Variants in VWF observed in about 807,000 individuals in gnomAD.
VWF encodes von Willebrand factor, also known as Factor VIII related antigen.
Under a neutral mutation model 308.6 loss-of-function variants are expected in VWF, and 176 were observed. That is an observed-to-expected ratio of 0.57 (90% confidence interval 0.50 to 0.65). The LOEUF (loss-of-function observed/expected upper bound fraction) is 0.65. Ranked by LOEUF, VWF falls within the 30% of genes least tolerant of loss-of-function variation. The probability of loss-of-function intolerance (pLI) is 0.00; values close to 1 mark genes in which losing one functional copy is unlikely to be tolerated. For synonymous variants in VWF, 1,385 were observed against 1,443.4 expected, an observed-to-expected ratio of 0.96 and a Z score of 0.92; for missense variants, 3,146 against 3,648.2, an observed-to-expected ratio of 0.86 and a Z score of 3.55.
At chr12:5,968,079 C>T in intron 46 of VWF, 48 bp downstream of exon 46, 1 of 1,613,090 alleles carries the variant, frequency 6.2e-7, no homozygotes, top group Non-Finnish European at 8.5e-7. Flanking sequence ...CACAGTACCC[C>T]CTTCCCTGTC....
intron 7 of VWF, among the ~76,000 whole-genome samples, chr12:6,074,941 G>A (rs553380339): frequency 1.3e-5 from 2 of 152,128 alleles, no homozygotes; most frequent in Non-Finnish European, 2.9e-5. Context: ...CACCACACAC[G>A]GACAGCCAGG....
intron 47 of VWF, among the ~76,000 whole-genome samples, chr12:5,955,373 C>G (rs982055265): frequency 6.6e-6 from 1 of 151,912 alleles, no homozygotes; most frequent in African/African-American, 2.4e-5. Context: ...CCCACTCCCC[C>G]CACCCCACAC....
Position 6,122,956 on chromosome 12 carries a change from G to A in VWF, c.55+186C>T, listed in dbSNP as rs761623605. Reference sequence around the variant, plus strand: ...CCCCAACAGGAGATGGCATTTGCAGGCACCTGGTCTCTGGAATACAAGTCA... The same window carrying A: ...CCCCAACAGGAGATGGCATTTGCAGACACCTGGTCTCTGGAATACAAGTCA... On this transcript the variant is annotated intron_variant, in intron 2 of 51. Coordinates refer to ENST00000261405, the MANE Select transcript of VWF (RefSeq NM_000552.5). 10 of 777,944 alleles carry A rather than the reference G, an allele frequency of 1.3e-5. No individual in the cohort carries two copies. In the East Asian group the frequency reaches 2.4e-4, roughly 19 times the overall value. 48.2% of individuals were successfully genotyped at this position (777,944 alleles called of 1,614,324 possible). A position where few individuals can be genotyped will look rare whatever the true frequency, so the allele number is the denominator to read the frequency against.
chr12:6,029,450 A>G lies in VWF; in HGVS notation c.2859T>C (p.Phe953=). Residue 953 remains phenylalanine (F), a synonymous_variant, in exon 22 of 52, where the codon TTT becomes TTC. Coordinates refer to ENST00000261405, the MANE Select transcript of VWF (RefSeq NM_000552.5). ...VKRPMKDETH[F]EVVESGRYII... ...TGTACCGGCCAGACTCCACCACCTCAAAGTGAGTCTCATCCTTCATGGGCC... is the reference window on the plus strand; with the variant it reads ...TGTACCGGCCAGACTCCACCACCTCGAAGTGAGTCTCATCCTTCATGGGCC... 2 of 1,614,196 alleles carry G rather than the reference A, an allele frequency of 1.2e-6. No individual in the cohort carries two copies. The highest frequency in any genetic ancestry group is 2.2e-5 in the South Asian group (2 of 91,082).
rs770981259 is a variant in VWF at position 6,064,396 on chromosome 12, G to A, written c.1294-12C>T. The stretch of plus-strand genomic sequence containing the variant: ...CGGTCATCAGCACACTGCCAAGAGG[G>A]AACACAGGGTGACTTTGCTGCACCC... On this transcript the variant is annotated splice_polypyrimidine_tract_variant and intron_variant, in intron 11 of 51. Transcript: ENST00000261405. 3 of 1,613,910 alleles carry A rather than the reference G, an allele frequency of 1.9e-6. No homozygotes were observed. The highest frequency in any genetic ancestry group is 1.3e-5 in the African/African-American group (1 of 75,050).
chr12:6,004,053 A>T (rs1275538844), intron 34 of VWF, among the ~76,000 whole-genome samples: 1 of 152,076 alleles, frequency 6.6e-6, no homozygotes, highest in Non-Finnish European at 1.5e-5. Flanking sequence ...TCCTGACCTC[A>T]TTCATGATAA....
At chr12:6,041,810 G>T (rs1944399665) in intron 18 of VWF, among the ~76,000 whole-genome samples, 1 of 152,154 alleles carries the variant, frequency 6.6e-6, no homozygotes, top group African/African-American at 2.4e-5. Context: ...TTATTTTTAT[G>T]AGAATTCATT....
In VWF at chr12:6,108,036, G is replaced by A. The variant is rs111922144; in HGVS notation, c.532+2338C>T. On this transcript the variant is annotated intron_variant, in intron 5 of 51. Transcript: ENST00000261405. Reference sequence around the variant, plus strand: ...AGGCCAGGCACGGTGACTCACGCCTGTAATCCCAGCACTTTGGGAGGCAGA... The same window carrying A: ...AGGCCAGGCACGGTGACTCACGCCTATAATCCCAGCACTTTGGGAGGCAGA... Among the ~76,000 whole-genome samples, 899 of 152,100 alleles carry A rather than the reference G, an allele frequency of 5.9e-3. 7 individuals carry two copies. Among genetic ancestry groups the A allele is most frequent in the African/African-American group, 0.02 (826 of 41,502 alleles).
At position 6,005,056 on chromosome 12, in the gene VWF, A is replaced by C. The variant is rs901495115; in HGVS notation, c.5842+6561T>G. On this transcript the variant is annotated intron_variant, in intron 34 of 51. Transcript: ENST00000261405. ...TACCAACAAACTTTTTATGGAGGTA[A>C]ACAAGTTGACACTAAAGTCTATACA... 2.9e-4 allele frequency among the ~76,000 whole-genome samples: 44 copies of C among 152,202 alleles called. 1 individual carries two copies. Among genetic ancestry groups the C allele is most frequent in the African/African-American group, 1.1e-3 (44 of 41,456 alleles).
chr12:6,090,325 C>G (rs182036114), intron 6 of VWF, among the ~76,000 whole-genome samples: 2 of 152,252 alleles, frequency 1.3e-5, no homozygotes, highest in African/African-American at 4.8e-5. Context: ...GTTCACAAAC[C>G]GCTCTAGAAG....
At position 6,096,635 on chromosome 12, in the gene VWF, G is replaced by A. The variant is rs3765645; in HGVS notation, c.533-1051C>T. ...GAATATGACATGGAACCTAAGCCCA[G>A]TCCCCAAGTCACTGCATACTCCAGG... On this transcript the variant is annotated intron_variant, in intron 5 of 51. Coordinates refer to ENST00000261405, the MANE Select transcript of VWF (RefSeq NM_000552.5). 1.2e-3 allele frequency among the ~76,000 whole-genome samples: 190 copies of A among 152,288 alleles called. 2 individuals are homozygous for A. The East Asian group carries it at 0.026, about 21-fold the overall frequency.
intron 40 of VWF, among the ~76,000 whole-genome samples, chr12:5,984,377 G>C (rs1260013715): frequency 6.6e-6 from 1 of 152,200 alleles, no homozygotes; most frequent in Non-Finnish European, 1.5e-5. Context: ...AATTTCATGA[G>C]TACAAATAAG....
chr12:5,999,375 G>A (rs1943846834), intron 34 of VWF, among the ~76,000 whole-genome samples: 1 of 151,838 alleles, frequency 6.6e-6, no homozygotes, highest in Non-Finnish European at 1.5e-5. Flanking sequence ...GAAAGTGACT[G>A]GAGACATAAA....
At chr12:5,997,573 C>T (rs912833010) in intron 34 of VWF, among the ~76,000 whole-genome samples, 1 of 152,160 alleles carries the variant, frequency 6.6e-6, no homozygotes. Context: ...GGCCTATAAT[C>T]GATACCTTTT....
Position 6,092,624 on chromosome 12 carries a change from T to TGAGAGTGAGAGAGAGAGAGA in VWF, c.657+2835_657+2836insTCTCTCTCTCTCTCACTCTC, listed in dbSNP as rs1180180618. ...TAGTTAGTGAGTGAGTGAGAGTGTG[T>TGAGAGTGAGAGAGAGAGAGA]GTGTGTGTGTGTGTGTGTGTGTGTG... is the stretch of plus-strand genomic sequence containing the variant. On this transcript the variant is annotated intron_variant, in intron 6 of 51. Transcript: ENST00000261405. Among the ~76,000 whole-genome samples the TGAGAGTGAGAGAGAGAGAGA allele has an allele frequency of 9.3e-4, 81 of 87,058 alleles. 3 individuals are homozygous for TGAGAGTGAGAGAGAGAGAGA. Among genetic ancestry groups the TGAGAGTGAGAGAGAGAGAGA allele is most frequent in the African/African-American group, 4.8e-3 (75 of 15,620 alleles). 57.1% of individuals were successfully genotyped at this position (87,058 alleles called of 152,430 possible).
In VWF at chr12:6,011,668, G is replaced by A. The variant is rs1359172781; in HGVS notation, c.5791C>T (p.Gln1931Ter). ...GTCTCTTCCACTTTAACAGGGGACT[G>A]GCTGTTAGGGCACGAAGGCCTCAGC... ...RGLRPSCPNSQSPVKVEETCG... is the reference protein window; with the variant it reads ...RGLRPSCPNS Residue 1931 changes from glutamine (Q) to a stop codon, truncating the protein, a stop_gained, in exon 34 of 52, where the codon CAG (glutamine) becomes TAG (stop). Transcript: ENST00000261405. LOFTEE classifies it high-confidence loss of function. The A allele has an allele frequency of 6.2e-7, 1 of 1,613,492 alleles. No homozygotes were observed. Among genetic ancestry groups the A allele is most frequent in the Non-Finnish European group, 8.5e-7 (1 of 1,179,800 alleles).
chr12:5,981,352 G>A (rs1943603191), intron 42 of VWF, among the ~76,000 whole-genome samples: 1 of 152,188 alleles, frequency 6.6e-6, no homozygotes, highest in South Asian at 2.1e-4. Context: ...AACATAGCAA[G>A]ACCTCATCTC....
rs186849669 is a variant in VWF, at chr12:6,075,258, G to A, written c.874+77C>T. 2.4e-4 allele frequency: 378 copies of A among 1,578,288 alleles called. 1 individual carries two copies. The highest frequency in any genetic ancestry group is 2.6e-4 in the Non-Finnish European group (302 of 1,152,800). The stretch of plus-strand genomic sequence containing the variant: ...AGCCGCACATACGTGACACAGCCCC[G>A]AAGCACCCTAAGGGACACCACCCAG... On this transcript the variant is annotated intron_variant, in intron 7 of 51. Coordinates refer to ENST00000261405, the MANE Select transcript of VWF (RefSeq NM_000552.5). This position sits in a 1 kb window ranked among gnomAD's most constrained non-coding sequence, Gnocchi z 4.7.
intron 5 of VWF, among the ~76,000 whole-genome samples, chr12:6,103,547 C>T (rs200317601): frequency 4.6e-4 from 4 of 8,746 alleles, no homozygotes; most frequent in African/African-American, 6.3e-3. Context: ...TATATGTATA[C>T]ACACACACAC....
Sources: gnomAD v4.1 joint callset for allele counts (sites outside exome capture counted in the v4.1 genomes callset) on GRCh38, gnomAD v4.1.1 for gene constraint, Gnocchi (gnomAD v3.1) non-coding constraint, MANE v1.5 for transcripts, NCBI Gene and HGNC (gene_info 2026-07-23, HGNC 2026-07-21) for gene names.